Variants in ANKRD6 observed in about 807,000 individuals in gnomAD.
The protein encoded by ANKRD6 is ankyrin repeat domain-containing protein 6.
ANKRD6 carries 56 observed loss-of-function variants against 82.3 expected under a neutral mutation model. That is an observed-to-expected ratio of 0.68 (90% confidence interval 0.55 to 0.85). The LOEUF is 0.85. Ranked by LOEUF, ANKRD6 falls within the 40% of genes least tolerant of loss-of-function variation. The pLI is 0.00. For synonymous variants in ANKRD6, 347 were observed against 352.1 expected, an observed-to-expected ratio of 0.99 and a Z score of 0.16; for missense variants, 852 against 907.6, an observed-to-expected ratio of 0.94 and a Z score of 0.79.
chr6:89,504,404 C>T (rs1049919408), intron 1 of ANKRD6, among the ~76,000 whole-genome samples: 3 of 137,608 alleles, frequency 2.2e-5, no homozygotes, highest in African/African-American at 7.4e-5. Flanking sequence ...CTCGCTCTCG[C>T]TCGCGCTCTC....
intron 1 of ANKRD6, among the ~76,000 whole-genome samples, chr6:89,544,490 A>G (rs181138103): frequency 3.9e-5 from 6 of 152,208 alleles, no homozygotes; most frequent in Admixed American, 6.5e-5. Context: ...CAAGGCGGGC[A>G]GATCACAAGG....
chr6:89,624,280 C>T (rs1804784397), intron 12 of ANKRD6, among the ~76,000 whole-genome samples: 1 of 152,144 alleles, frequency 6.6e-6, no homozygotes, highest in South Asian at 2.1e-4. Flanking sequence ...CTGCACAATC[C>T]TCAGGTGACT....
chr6:89,443,963 T>TG (rs1203845566), intron 1 of ANKRD6, among the ~76,000 whole-genome samples: 3 of 152,260 alleles, frequency 2.0e-5, no homozygotes, highest in African/African-American at 7.2e-5. Context: ...TAGAAAAAGT[T>TG]GGCACTGGGG....
At chr6:89,607,041 C>CA (rs1798814855) in intron 5 of ANKRD6, among the ~76,000 whole-genome samples, 1 of 151,746 alleles carries the variant, frequency 6.6e-6, no homozygotes, top group Non-Finnish European at 1.5e-5. Context: ...TGTGGTGGTG[C>CA]ATGCCGTCAT....
intron 1 of ANKRD6, among the ~76,000 whole-genome samples, chr6:89,536,497 G>A (rs1032124095): frequency 1.3e-5 from 2 of 152,192 alleles, no homozygotes; most frequent in African/African-American, 4.8e-5. Flanking sequence ...TCAGAGTGGT[G>A]GAACATGCTC....
intron 1 of ANKRD6, among the ~76,000 whole-genome samples, chr6:89,553,952 A>G (rs1786211587): frequency 6.6e-6 from 1 of 152,232 alleles, no homozygotes; most frequent in Admixed American, 6.5e-5. Flanking sequence ...CCCTTAGGTT[A>G]CAAAGTATTT....
intron 2 of ANKRD6, among the ~76,000 whole-genome samples, chr6:89,581,305 G>A (rs939238244): frequency 2.6e-5 from 4 of 152,186 alleles, no homozygotes; most frequent in Admixed American, 1.3e-4. Context: ...ATGTTTGTGG[G>A]ATAAATTTCT....
At chr6:89,547,524 C>G (rs972429082) in intron 1 of ANKRD6, among the ~76,000 whole-genome samples, 9 of 152,180 alleles carry the variant, frequency 5.9e-5, no homozygotes, top group Non-Finnish European at 1.3e-4. Context: ...GCTCAGCTAA[C>G]TCATGTAGGG....
chr6:89,631,572 G>C lies in ANKRD6; in HGVS notation c.*568G>C, dbSNP rs984092952. 1.3e-5 allele frequency: 2 copies of C among 152,154 alleles called. No homozygotes were observed. The highest frequency in any genetic ancestry group is 4.8e-5 in the African/African-American group (2 of 41,424). 9.4% of individuals were successfully genotyped at this position (152,154 alleles called of 1,614,324 possible). On this transcript the variant is annotated 3_prime_UTR_variant, in exon 16 of 16. Coordinates refer to ENST00000339746, the MANE Select transcript of ANKRD6 (RefSeq NM_001242809.2). ...GATTTTTGAGGAGAAATATTTTCAT[G>C]ATGTCACAAGATCCAATATATCTTA... is the stretch of plus-strand genomic sequence containing the variant.
intron 1 of ANKRD6, among the ~76,000 whole-genome samples, chr6:89,505,521 G>C (rs372000363): frequency 6.6e-6 from 1 of 152,174 alleles, no homozygotes; most frequent in East Asian, 1.9e-4. Context: ...TGGACCTGTA[G>C]GTTCAAGAAT....
chr6:89,603,847 A>G (rs537301181), intron 4 of ANKRD6, among the ~76,000 whole-genome samples: 2 of 152,272 alleles, frequency 1.3e-5, no homozygotes, highest in South Asian at 4.2e-4. Flanking sequence ...TTAAGAAAAT[A>G]TATATTAGCA....
chr6:89,606,292 A>G (rs1048295814), intron 5 of ANKRD6, among the ~76,000 whole-genome samples, 187 bp downstream of exon 5: 2 of 152,234 alleles, frequency 1.3e-5, no homozygotes, highest in African/African-American at 4.8e-5. Flanking sequence ...ATTCCAGGTC[A>G]GGAGCAAGTG....
At chr6:89,592,805 C>T (rs1387127381) in intron 2 of ANKRD6, among the ~76,000 whole-genome samples, 3 of 152,214 alleles carry the variant, frequency 2.0e-5, no homozygotes, top group Non-Finnish European at 2.9e-5. Flanking sequence ...CACAAAAAAA[C>T]GTTGCCAGGC....
intron 1 of ANKRD6, among the ~76,000 whole-genome samples, chr6:89,551,504 A>G (rs1043968074): frequency 6.6e-6 from 1 of 152,168 alleles, no homozygotes; most frequent in Admixed American, 6.5e-5. Context: ...CACCCAGGAG[A>G]AGGTCTGTGG....
intron 1 of ANKRD6, among the ~76,000 whole-genome samples, chr6:89,522,058 A>G (rs1781951614): frequency 6.6e-6 from 1 of 152,160 alleles, no homozygotes; most frequent in Non-Finnish European, 1.5e-5. Flanking sequence ...TGGATCTCCC[A>G]AGGAAGAACT....
chr6:89,468,395 C>T (rs1451024555), intron 1 of ANKRD6, among the ~76,000 whole-genome samples: 1 of 151,994 alleles, frequency 6.6e-6, no homozygotes, highest in Non-Finnish European at 1.5e-5. Context: ...ATAAATATTT[C>T]GATCTTATTT....
chr6:89,573,697 A>G (rs1335704200), intron 2 of ANKRD6, among the ~76,000 whole-genome samples: 4 of 152,222 alleles, frequency 2.6e-5, no homozygotes, highest in Admixed American at 6.5e-5. Flanking sequence ...TTACGGGACA[A>G]TTTGGTATAG....
Position 89,527,601 on chromosome 6 carries a change from CAAAAAA to C in ANKRD6, c.-143-39213_-143-39208del, listed in dbSNP as rs35855223. 4.6e-4 allele frequency among the ~76,000 whole-genome samples: 21 copies of C among 45,696 alleles called. No individual in the cohort carries two copies. In the South Asian group the frequency reaches 8.2e-3, roughly 18 times the overall value. The allele number at this position is 45,696 out of a possible 152,430, so 30.0% of individuals were successfully genotyped here. ...TGAGCAAGACAGGGAGACTCCGTCT[CAAAAAA>C]AAAAAAAAAAAAAAAAAAAGAAAAA... On this transcript the variant is annotated intron_variant, in intron 1 of 15. Coordinates refer to ENST00000339746, the MANE Select transcript of ANKRD6 (RefSeq NM_001242809.2).
chr6:89,602,977 C>T (rs987134729), intron 3 of ANKRD6, 52 bp from the exon 4 acceptor site: 3 of 1,454,296 alleles, frequency 2.1e-6, no homozygotes, highest in Admixed American at 3.9e-5. Context: ...GTAGTGCAAG[C>T]AGGGGGTGCA....
Sources: gnomAD v4.1 joint callset for allele counts (sites outside exome capture counted in the v4.1 genomes callset) on GRCh38, gnomAD v4.1.1 for gene constraint, MANE v1.5 for transcripts, NCBI Gene and HGNC (gene_info 2026-07-23, HGNC 2026-07-21) for gene names.